The following COL25A1 variants were observed in gnomAD, a reference collection of about 807,000 sequenced individuals.
The protein encoded by COL25A1 is collagen alpha-1(XXV) chain.
In COL25A1, 103 loss-of-function variants were observed where a neutral mutation model predicts 128.4. That is an observed-to-expected ratio of 0.80 (90% CI 0.68 to 0.94). The LOEUF is 0.94. Ranked by LOEUF, COL25A1 falls within the 40% of genes least tolerant of loss-of-function variation. The pLI, the probability that COL25A1 is intolerant of heterozygous loss-of-function variation, is 0.00. For missense variants in COL25A1, 745 were observed against 840.0 expected, an observed-to-expected ratio of 0.89 and a Z score of 1.40; for synonymous variants, 279 against 277.2, an observed-to-expected ratio of 1.01 and a Z score of -0.06.
At chr4:109,243,125 T>C (rs1160950789) in intron 3 of COL25A1, among the ~76,000 whole-genome samples, 1 of 152,104 alleles carries the variant, frequency 6.6e-6, no homozygotes, top group Non-Finnish European at 1.5e-5. Flanking sequence ...AAAACTTTCG[T>C]TTCTTAATAT....
At chr4:108,941,599 G>A (rs1175778341) in intron 8 of COL25A1, among the ~76,000 whole-genome samples, 162 bp from the exon 9 acceptor site, 4 of 152,142 alleles carry the variant, frequency 2.6e-5, no homozygotes, top group African/African-American at 9.7e-5. Context: ...AGACCCACTG[G>A]CTCTTCTTGA....
At chr4:108,880,889 T>G (rs1249486315) in intron 19 of COL25A1, among the ~76,000 whole-genome samples, 1 of 152,230 alleles carries the variant, frequency 6.6e-6, no homozygotes, top group Non-Finnish European at 1.5e-5. Flanking sequence ...AATCTTACTC[T>G]TTTATGTGAT....
intron 8 of COL25A1, among the ~76,000 whole-genome samples, chr4:108,973,933 T>C (rs1437752107): frequency 6.6e-6 from 1 of 152,214 alleles, no homozygotes; most frequent in Admixed American, 6.5e-5. Context: ...AGAACAAATA[T>C]GTAAAATGCA....
In COL25A1 at chr4:109,241,007, G is replaced by C. The variant is rs559001207; in HGVS notation, c.367+59576C>G. The stretch of plus-strand genomic sequence containing the variant: ...TTGTTATTATTTGTTAATTTGAATG[G>C]AGATTAATTCTTCCAGAACACTACA... On this transcript the variant is annotated intron_variant, in intron 3 of 37. Coordinates refer to ENST00000399132, the MANE Select transcript of COL25A1 (RefSeq NM_198721.4). 9.2e-5 allele frequency among the ~76,000 whole-genome samples: 14 copies of C among 152,042 alleles called. No individual in the cohort carries two copies. The East Asian group carries it at 2.7e-3, about 29-fold the overall frequency.
intron 3 of COL25A1, among the ~76,000 whole-genome samples, chr4:109,157,389 G>T (rs952688063): frequency 2.6e-5 from 4 of 152,132 alleles, no homozygotes; most frequent in African/African-American, 9.7e-5. Flanking sequence ...CCTGGTAGAT[G>T]ACCTCTTCAG....
In COL25A1 at chr4:108,925,648, A is replaced by G. The variant is rs143980580; in HGVS notation, c.709-5044T>C. 3.2e-3 allele frequency among the ~76,000 whole-genome samples: 485 copies of G among 152,338 alleles called. 3 individuals are homozygous for G. Among genetic ancestry groups the G allele is most frequent in the African/African-American group, 0.011 (458 of 41,578 alleles). ...AATTTACAGAAATGAATAAATGGAT[A>G]CTTAAAGCAAATCAGGTTTTTTTAT... On this transcript the variant is annotated intron_variant, in intron 11 of 37. Coordinates refer to ENST00000399132, the MANE Select transcript of COL25A1 (RefSeq NM_198721.4).
intron 3 of COL25A1, among the ~76,000 whole-genome samples, chr4:109,235,336 G>A (rs560109856): frequency 5.4e-4 from 82 of 152,234 alleles, no homozygotes; most frequent in African/African-American, 1.9e-3. Context: ...AACAGGCTTT[G>A]AAAACCTCCA....
At chr4:109,149,695 T>C (rs1041545496) in intron 3 of COL25A1, among the ~76,000 whole-genome samples, 1 of 152,214 alleles carries the variant, frequency 6.6e-6, no homozygotes, top group Non-Finnish European at 1.5e-5. Context: ...TCTGGCACAG[T>C]GCTACTTGTA....
intron 3 of COL25A1, among the ~76,000 whole-genome samples, chr4:109,071,955 C>A (rs1373529729): frequency 6.6e-6 from 1 of 152,288 alleles, no homozygotes; most frequent in Admixed American, 6.5e-5. Flanking sequence ...TGGGTATATA[C>A]CCAAAGGATT....
intron 11 of COL25A1, among the ~76,000 whole-genome samples, chr4:108,934,517 T>A (rs1747183179): frequency 6.6e-6 from 1 of 151,904 alleles, no homozygotes; most frequent in Non-Finnish European, 1.5e-5. Context: ...AAAAGAAAAA[T>A]TTCCTCCTCA....
At chr4:109,040,969 A>C (rs1759827705) in intron 5 of COL25A1, among the ~76,000 whole-genome samples, 1 of 152,176 alleles carries the variant, frequency 6.6e-6, no homozygotes, top group Admixed American at 6.5e-5. Context: ...GTTTCCTACC[A>C]TAAGAATGGC....
intron 3 of COL25A1, among the ~76,000 whole-genome samples, chr4:109,101,532 T>C (rs928756551): frequency 6.6e-6 from 1 of 152,114 alleles, no homozygotes; most frequent in Admixed American, 6.6e-5. Flanking sequence ...TATGCAAAAA[T>C]GTACAAAATG....
At chr4:109,012,500 T>C (rs1756706819) in intron 5 of COL25A1, among the ~76,000 whole-genome samples, 1 of 152,130 alleles carries the variant, frequency 6.6e-6, no homozygotes, top group South Asian at 2.1e-4. Flanking sequence ...GAACTTGGGC[T>C]GCGTGCAGCG....
At chr4:109,115,777 T>G (rs1767487219) in intron 3 of COL25A1, among the ~76,000 whole-genome samples, 1 of 151,970 alleles carries the variant, frequency 6.6e-6, no homozygotes, top group African/African-American at 2.4e-5. Context: ...GTTCCCAAAC[T>G]ATCAATGTGA....
At chr4:109,292,964 T>G (rs1054089193) in intron 3 of COL25A1, among the ~76,000 whole-genome samples, 1 of 152,070 alleles carries the variant, frequency 6.6e-6, no homozygotes, top group Admixed American at 6.6e-5. Flanking sequence ...CATTGGTTTT[T>G]GAATGTGGTT....
intron 3 of COL25A1, among the ~76,000 whole-genome samples, chr4:109,062,334 T>C (rs1160257090): frequency 6.6e-6 from 1 of 152,210 alleles, no homozygotes; most frequent in Non-Finnish European, 1.5e-5. Context: ...ATTTTGCAAC[T>C]TAACTATCAT....
intron 6 of COL25A1, among the ~76,000 whole-genome samples, chr4:109,007,917 T>TG (rs1756193057): frequency 6.6e-6 from 1 of 152,234 alleles, no homozygotes; most frequent in Non-Finnish European, 1.5e-5. Context: ...GTTTATTAAC[T>TG]GTGGCTGTAT....
chr4:109,228,890 T>A (rs964667320), intron 3 of COL25A1, among the ~76,000 whole-genome samples: 2 of 152,222 alleles, frequency 1.3e-5, no homozygotes, highest in Non-Finnish European at 2.9e-5. Flanking sequence ...TCTGTTAGTT[T>A]ATGAATAGCC....
At chr4:108,893,562 T>G (rs1741775098) in intron 16 of COL25A1, among the ~76,000 whole-genome samples, 1 of 152,054 alleles carries the variant, frequency 6.6e-6, no homozygotes, top group Non-Finnish European at 1.5e-5. Flanking sequence ...AGTTCCACAG[T>G]ATTTCCAGAT....
Sources: gnomAD v4.1 joint callset for allele counts (sites outside exome capture counted in the v4.1 genomes callset) on GRCh38, gnomAD v4.1.1 for gene constraint, MANE v1.5 for transcripts, NCBI Gene and HGNC (gene_info 2026-07-23, HGNC 2026-07-21) for gene names.